Variants in TPH2 observed in about 807,000 individuals in gnomAD.
TPH2 encodes tryptophan hydroxylase 2.
Under a neutral mutation model 59.1 loss-of-function variants are expected in TPH2, and 27 were observed. That is an observed-to-expected ratio of 0.46 (90% CI 0.34 to 0.63). The LOEUF (loss-of-function observed/expected upper bound fraction) is 0.63. Ranked by LOEUF, TPH2 falls within the 30% of genes least tolerant of loss-of-function variation. The probability of loss-of-function intolerance (pLI) is 0.01; values close to 1 mark genes in which losing one functional copy is unlikely to be tolerated. For synonymous variants in TPH2, 220 were observed against 210.5 expected, an observed-to-expected ratio of 1.05 and a Z score of -0.39; for missense variants, 523 against 588.3, an observed-to-expected ratio of 0.89 and a Z score of 1.15.
At chr12:71,952,269 GA>G (rs997975977) in intron 5 of TPH2, among the ~76,000 whole-genome samples, 6 of 151,870 alleles carry the variant, frequency 4.0e-5, no homozygotes, top group African/African-American at 1.2e-4. Flanking sequence ...TGTCTGTAGA[GA>G]AAAAAAAGTA....
chr12:71,977,203 C>T (rs1389221909), intron 6 of TPH2, among the ~76,000 whole-genome samples: 1 of 152,150 alleles, frequency 6.6e-6, no homozygotes, highest in Non-Finnish European at 1.5e-5. Flanking sequence ...ACTACAGGTG[C>T]GTGCTGTCTA....
intron 8 of TPH2, among the ~76,000 whole-genome samples, chr12:71,997,203 G>T (rs1183944933): frequency 6.6e-6 from 1 of 152,042 alleles, no homozygotes; most frequent in African/African-American, 2.4e-5. Flanking sequence ...CTTTGATCTT[G>T]TTTCTGTCAT....
intron 7 of TPH2, among the ~76,000 whole-genome samples, chr12:71,979,677 G>T (rs947997579): frequency 6.6e-6 from 1 of 152,184 alleles, no homozygotes; most frequent in South Asian, 2.1e-4. Flanking sequence ...CAATGGGTAA[G>T]CTAGGAGTGG....
chr12:71,961,666 T>A (rs745414046), intron 5 of TPH2: 4 of 1,351,776 alleles, frequency 3.0e-6, no homozygotes, highest in Non-Finnish European at 3.9e-6. Flanking sequence ...TTGATGGATG[T>A]TAGATCCATT....
intron 9 of TPH2, among the ~76,000 whole-genome samples, chr12:72,027,441 A>G (rs1427265236): frequency 3.3e-5 from 5 of 152,232 alleles, no homozygotes; most frequent in Non-Finnish European, 7.3e-5. Flanking sequence ...ACCCCAGGTT[A>G]TAGATATGAC....
In TPH2 at chr12:71,996,703, C is replaced by T. The variant is rs567271989; in HGVS notation, c.1068+2138C>T. On this transcript the variant is annotated intron_variant, in intron 8 of 10. Transcript: ENST00000333850. ...GTGCATGTGTGCATGTGAACATGGG[C>T]ATCTAAATAGAGGAGAAGAAGAAAT... Among the ~76,000 whole-genome samples, 5 of 152,146 alleles carry T rather than the reference C, an allele frequency of 3.3e-5. No individual in the cohort carries two copies. The South Asian group carries it at 1.0e-3, about 32-fold the overall frequency.
intron 5 of TPH2, among the ~76,000 whole-genome samples, chr12:71,963,689 G>A (rs1413773499): frequency 6.3e-5 from 3 of 47,640 alleles, no homozygotes; most frequent in African/African-American, 6.0e-5. Context: ...CGCGCCTATA[G>A]TCCCAGCTAC....
chr12:71,981,322 A>G (rs771251189), intron 7 of TPH2, among the ~76,000 whole-genome samples: 15 of 152,344 alleles, frequency 9.8e-5, no homozygotes, highest in Admixed American at 2.6e-4. Flanking sequence ...TTGTCAAACT[A>G]GGACATTTGG....
chr12:71,939,224 C>G, intron 1 of TPH2, 133 bp downstream of exon 1: 1 of 734,338 alleles, frequency 1.4e-6, no homozygotes. Context: ...TCTGTCTACC[C>G]TGCTTTCCTC....
intron 7 of TPH2, among the ~76,000 whole-genome samples, chr12:71,989,579 G>A (rs1455819256): frequency 1.3e-5 from 2 of 152,200 alleles, no homozygotes; most frequent in African/African-American, 4.8e-5. Context: ...TGTTTTAAAA[G>A]ACAGATGTGC....
intron 8 of TPH2, among the ~76,000 whole-genome samples, chr12:72,015,312 G>GTT (rs1419464640): frequency 1.5e-5 from 2 of 135,998 alleles, no homozygotes; most frequent in African/African-American, 5.4e-5. Flanking sequence ...TTTTTTTTTG[G>GTT]TTGTTTTTTT....
chr12:71,965,946 T>C (rs1246300570), intron 5 of TPH2, among the ~76,000 whole-genome samples: 1 of 152,206 alleles, frequency 6.6e-6, no homozygotes, highest in Non-Finnish European at 1.5e-5. Flanking sequence ...TAGTGTTGGG[T>C]TTTACATTTA....
At chr12:71,981,499 G>C (rs1872276137) in intron 7 of TPH2, among the ~76,000 whole-genome samples, 1 of 152,128 alleles carries the variant, frequency 6.6e-6, no homozygotes, top group Non-Finnish European at 1.5e-5. Flanking sequence ...AGTTCAAAAG[G>C]TGTGGAGCTA....
chr12:71,996,575 C>G (rs1218503522), intron 8 of TPH2, among the ~76,000 whole-genome samples: 1 of 152,138 alleles, frequency 6.6e-6, no homozygotes, highest in Non-Finnish European at 1.5e-5. Context: ...TCTGCCTATA[C>G]CCTTGATCAC....
chr12:71,983,508 T>G (rs1872345798), intron 7 of TPH2, among the ~76,000 whole-genome samples: 1 of 152,084 alleles, frequency 6.6e-6, no homozygotes, highest in South Asian at 2.1e-4. Flanking sequence ...GCCTGGCATG[T>G]GTACAGTGGC....
At chr12:72,010,896 A>C (rs1282557657) in intron 8 of TPH2, among the ~76,000 whole-genome samples, 1 of 152,224 alleles carries the variant, frequency 6.6e-6, no homozygotes, top group Non-Finnish European at 1.5e-5. Flanking sequence ...GAGTGCGCTC[A>C]TCAGTTTTCT....
At chr12:72,029,818 G>A (rs1453838771) in intron 9 of TPH2, among the ~76,000 whole-genome samples, 1 of 152,080 alleles carries the variant, frequency 6.6e-6, no homozygotes, top group Non-Finnish European at 1.5e-5. Context: ...GTTCTCAATT[G>A]CATTTTCAAA....
intron 2 of TPH2, among the ~76,000 whole-genome samples, chr12:71,942,855 A>T (rs1400143326): frequency 6.6e-6 from 1 of 152,216 alleles, no homozygotes; most frequent in African/African-American, 2.4e-5. Flanking sequence ...ACAGACAATT[A>T]TGTCATCCAA....
intron 5 of TPH2, chr12:71,961,628 C>T (rs1174692401): frequency 7.4e-7 from 1 of 1,351,958 alleles, no homozygotes; most frequent in African/African-American, 1.5e-5. Context: ...TGAGCTCAAG[C>T]TCCTTGTGTA....
Sources: gnomAD v4.1 joint callset for allele counts (sites outside exome capture counted in the v4.1 genomes callset) on GRCh38, gnomAD v4.1.1 for gene constraint, MANE v1.5 for transcripts, NCBI Gene and HGNC (gene_info 2026-07-23, HGNC 2026-07-21) for gene names.